HSD17B2: variants seen among roughly 807,000 people sequenced by gnomAD.
HSD17B2 encodes 17-beta-hydroxysteroid dehydrogenase type 2.
In HSD17B2, 32 loss-of-function variants were observed where a neutral mutation model predicts 26.9. The observed-to-expected ratio is 1.19, with a 90% CI of 0.90 to 1.60. HSD17B2 has a LOEUF of 1.60. Ranked by LOEUF, HSD17B2 falls within the 40% of genes most tolerant of loss-of-function variation. HSD17B2 has a pLI of 0.00. For missense variants in HSD17B2, 613 were observed against 468.6 expected (o/e 1.31, Z -2.85); for synonymous variants, 246 against 186.7 (o/e 1.32, Z -2.59).
chr16:82,065,096 C>G (rs766278671), intron 1 of HSD17B2, among the ~76,000 whole-genome samples: 1 of 152,192 alleles, frequency 6.6e-6, no homozygotes, highest in Non-Finnish European at 1.5e-5. Flanking sequence ...CTGGGAAGCT[C>G]TCAGCATCTT....
intron 1 of HSD17B2, among the ~76,000 whole-genome samples, chr16:82,041,725 C>T (rs1913770947): frequency 6.6e-6 from 1 of 152,190 alleles, no homozygotes; most frequent in African/African-American, 2.4e-5. Flanking sequence ...CCGGGTTCTT[C>T]CTACACTTCC....
intron 1 of HSD17B2, among the ~76,000 whole-genome samples, chr16:82,060,788 C>G (rs778239041): frequency 6.6e-6 from 1 of 152,058 alleles, no homozygotes; most frequent in African/African-American, 2.4e-5. Flanking sequence ...AGGGAGCACT[C>G]GGAGGAGCTT....
At position 82,068,390 on chromosome 16, in the gene HSD17B2, C is replaced by G; in HGVS notation, c.478+8C>G. ...CAATGCTGCAGGACAGAGGTACTGCCGCCAGCACCCTCAGTGCCTTTACCC... is the reference window on the plus strand; with the variant it reads ...CAATGCTGCAGGACAGAGGTACTGCGGCCAGCACCCTCAGTGCCTTTACCC... On this transcript the variant is annotated splice_region_variant and intron_variant, in intron 2 of 4. Coordinates refer to ENST00000199936, the MANE Select transcript of HSD17B2 (RefSeq NM_002153.3). 6.2e-7 allele frequency: 1 copy of G among 1,601,492 alleles called. No homozygotes were observed. Among genetic ancestry groups the G allele is most frequent in the Non-Finnish European group, 8.5e-7 (1 of 1,173,028 alleles).
intron 1 of HSD17B2, among the ~76,000 whole-genome samples, chr16:82,046,212 G>C (rs892258314): frequency 2.6e-5 from 4 of 152,126 alleles, no homozygotes; most frequent in African/African-American, 9.7e-5. Context: ...CCTGCCTCAT[G>C]AAGCTTAATT....
At chr16:82,048,151 C>A (rs372177703) in intron 1 of HSD17B2, among the ~76,000 whole-genome samples, 1 of 152,086 alleles carries the variant, frequency 6.6e-6, no homozygotes, top group African/African-American at 2.4e-5. Flanking sequence ...ATAGGTAGGA[C>A]AAATGAAGCT....
At chr16:82,091,074 T>C (rs764954370) in intron 4 of HSD17B2, 35 bp downstream of exon 4, 2 of 1,611,178 alleles carry the variant, frequency 1.2e-6, no homozygotes, top group African/African-American at 2.7e-5. Context: ...GTGATGTTCA[T>C]CCTGGAAGGA....
At chr16:82,096,519 C>T (rs1279525546) in intron 4 of HSD17B2, 4 of 152,110 alleles carry the variant, frequency 2.6e-5, no homozygotes, top group South Asian at 2.1e-4. Flanking sequence ...CCACCATGCC[C>T]AGCCTAAAAT....
At chr16:82,078,506 C>T (rs1463735918) in intron 3 of HSD17B2, among the ~76,000 whole-genome samples, 1 of 152,142 alleles carries the variant, frequency 6.6e-6, no homozygotes, top group Non-Finnish European at 1.5e-5. Context: ...TCCAGCAATT[C>T]CACCGCTAGA....
intron 1 of HSD17B2, among the ~76,000 whole-genome samples, chr16:82,065,602 A>G (rs2143972103): frequency 6.6e-6 from 1 of 152,338 alleles, no homozygotes; most frequent in East Asian, 1.9e-4. Flanking sequence ...GTGTATAACC[A>G]GGCTCTAGAT....
chr16:82,087,429 C>T (rs1320259707), intron 3 of HSD17B2, among the ~76,000 whole-genome samples: 1 of 152,160 alleles, frequency 6.6e-6, no homozygotes, highest in Non-Finnish European at 1.5e-5. Flanking sequence ...CTATATTTAT[C>T]TCATCTTACG....
intron 1 of HSD17B2, among the ~76,000 whole-genome samples, chr16:82,036,076 T>C (rs1913616312): frequency 1.3e-5 from 2 of 152,336 alleles, no homozygotes; most frequent in Admixed American, 1.3e-4. Flanking sequence ...ACCTGGACTC[T>C]TCTTCCCTAG....
At chr16:82,097,214 ATGT>A (rs1904866431) in intron 4 of HSD17B2, 1 of 18,504 alleles carries the variant, frequency 5.4e-5, no homozygotes, top group Non-Finnish European at 1.1e-4. Context: ...GTATATGTCT[ATGT>A]CTATGTCTAT....
chr16:82,046,045 A>G (rs1294987009), intron 1 of HSD17B2, among the ~76,000 whole-genome samples: 1 of 152,156 alleles, frequency 6.6e-6, no homozygotes, highest in Non-Finnish European at 1.5e-5. Context: ...ATTACCTCTT[A>G]GGTGGGGAGC....
chr16:82,078,678 CTATTCAGCCATGTAAAAGAATGAGA>C (rs1418352196), intron 3 of HSD17B2, among the ~76,000 whole-genome samples: 1 of 152,142 alleles, frequency 6.6e-6, no homozygotes, highest in Non-Finnish European at 1.5e-5. Context: ...CAATGGAGTA[CTATTCAGCCATGTAAAAGAATGAGA>C]TATTGTCATC....
intron 1 of HSD17B2, among the ~76,000 whole-genome samples, chr16:82,050,944 C>T (rs1353893926): frequency 6.6e-6 from 1 of 152,144 alleles, no homozygotes; most frequent in Non-Finnish European, 1.5e-5. Context: ...ATCTGCTCCC[C>T]AGTTGTGATA....
chr16:82,035,375 C>T lies in HSD17B2; in HGVS notation c.-50C>T, dbSNP rs370510220. 1.3e-5 allele frequency: 20 copies of T among 1,568,878 alleles called. 1 individual carries two copies. The highest frequency in any genetic ancestry group is 6.8e-5 in the East Asian group (3 of 44,382). On this transcript the variant is annotated 5_prime_UTR_variant, in exon 1 of 5. Coordinates refer to ENST00000199936, the MANE Select transcript of HSD17B2 (RefSeq NM_002153.3). Reference sequence around the variant, plus strand: ...AGGCTGCCTCCAGCCAGCCTTTGCCCGCTAGACTCACTGGCCCTGAGCACT... The same window carrying T: ...AGGCTGCCTCCAGCCAGCCTTTGCCTGCTAGACTCACTGGCCCTGAGCACT...
intron 1 of HSD17B2, chr16:82,063,153 G>A (rs915725416): frequency 1.3e-5 from 2 of 152,224 alleles, no homozygotes; most frequent in Admixed American, 6.5e-5. Flanking sequence ...AGGCTTGTAA[G>A]TGGAAGAGAA....
chr16:82,077,340 T>C (rs896534658), intron 3 of HSD17B2, among the ~76,000 whole-genome samples: 2 of 151,626 alleles, frequency 1.3e-5, no homozygotes, highest in Admixed American at 6.6e-5. Flanking sequence ...CAGAACAGGA[T>C]AGAGAACCCA....
At chr16:82,066,242 C>T (rs1914569087) in intron 1 of HSD17B2, among the ~76,000 whole-genome samples, 1 of 152,162 alleles carries the variant, frequency 6.6e-6, no homozygotes, top group Non-Finnish European at 1.5e-5. Context: ...CACTTACACT[C>T]AAGAGCTATT....
Sources: gnomAD v4.1 joint callset for allele counts (sites outside exome capture counted in the v4.1 genomes callset) on GRCh38, gnomAD v4.1.1 for gene constraint, MANE v1.5 for transcripts, NCBI Gene and HGNC (gene_info 2026-07-23, HGNC 2026-07-21) for gene names.